CAPZB: variants seen among roughly 807,000 people sequenced by gnomAD.
CAPZB encodes capping actin protein of muscle Z-line subunit beta.
Under a neutral mutation model 38.1 loss-of-function variants are expected in CAPZB, and 2 were observed. That is an observed-to-expected ratio of 0.05 (90% confidence interval 0.02 to 0.17). CAPZB has a LOEUF of 0.17. Among genes scored for constraint, CAPZB ranks in the 10% least tolerant of loss-of-function variants. CAPZB has a pLI of 1.00. For missense variants in CAPZB, 161 were observed against 334.2 expected, an observed-to-expected ratio of 0.48 and a Z score of 4.04; for synonymous variants, 107 against 127.4, an observed-to-expected ratio of 0.84 and a Z score of 1.08.
intron 1 of CAPZB, among the ~76,000 whole-genome samples, chr1:19,421,695 CAT>C (rs1301825384): frequency 2.6e-5 from 4 of 152,338 alleles, no homozygotes; most frequent in South Asian, 4.1e-4. Flanking sequence ...TCTAGAGAGA[CAT>C]ATTCAATTCC....
intron 2 of CAPZB, among the ~76,000 whole-genome samples, chr1:19,417,087 T>C (rs6687476): frequency 0.016 from 2,490 of 152,116 alleles, 61 homozygotes; most frequent in African/African-American, 0.056. Flanking sequence ...ATTTCCCTGT[T>C]GAGCCCAGGG....
intron 1 of CAPZB, among the ~76,000 whole-genome samples, chr1:19,429,974 T>C (rs149294202): frequency 0.022 from 3,392 of 152,292 alleles, 95 homozygotes; most frequent in Non-Finnish European, 0.027. Flanking sequence ...CACCTTCCCT[T>C]TGTTTTCCTG....
At chr1:19,397,260 A>T (rs998218664) in intron 2 of CAPZB, among the ~76,000 whole-genome samples, 3 of 152,254 alleles carry the variant, frequency 2.0e-5, no homozygotes, top group African/African-American at 7.2e-5. Context: ...CAAAGTTATG[A>T]TTGGAATAAC....
intron 1 of CAPZB, among the ~76,000 whole-genome samples, chr1:19,428,517 T>C (rs1225285080): frequency 6.6e-6 from 1 of 152,212 alleles, no homozygotes; most frequent in East Asian, 1.9e-4. Context: ...ATAACTGCTT[T>C]ATGTGTCTCT....
At position 19,371,149 on chromosome 1, in the gene CAPZB, C is replaced by T. The variant is rs1570005100; in HGVS notation, c.329+7391G>A. On this transcript the variant is annotated intron_variant, in intron 4 of 8. Coordinates refer to ENST00000264202, the MANE Select transcript of CAPZB (RefSeq NM_004930.5). ...CTGATGATGTGGATTGAGCAGGAAT[C>T]ATTAATTCCATTTTTGAGACAGAGA... 2.6e-5 allele frequency among the ~76,000 whole-genome samples: 4 copies of T among 152,310 alleles called. No homozygotes were observed. In the East Asian group the frequency reaches 7.7e-4, roughly 29 times the overall value.
chr1:19,435,023 T>C (rs2094454035), intron 1 of CAPZB, among the ~76,000 whole-genome samples: 1 of 132,118 alleles, frequency 7.6e-6, no homozygotes. Context: ...CTCATTATAA[T>C]ATGGAATTAA....
At chr1:19,453,206 C>T (rs988612366) in intron 1 of CAPZB, among the ~76,000 whole-genome samples, 11 of 152,128 alleles carry the variant, frequency 7.2e-5, no homozygotes, top group African/African-American at 2.2e-4. Context: ...CATACAGGCC[C>T]GGTGTCACCG....
chr1:19,385,585 C>T lies in CAPZB; in HGVS notation c.135G>A (p.Gln45=), dbSNP rs2094199538. 1.2e-6 allele frequency: 2 copies of T among 1,614,032 alleles called. No individual in the cohort carries two copies. The highest frequency in any genetic ancestry group is 2.2e-5 in the East Asian group (1 of 44,900). Residue 45 remains glutamine (Q), a synonymous_variant, in exon 3 of 9, where the codon CAG becomes CAA. Transcript: ENST00000264202. The part of the protein sequence containing the change: ...LCEDLLSSVD[Q]PLKIARDKVV... ...CCTTGTCTCTGGCAATTTTCAGTGG[C>T]TGGTCAACAGAAGACAGGAGATCCT... is the stretch of plus-strand genomic sequence containing the variant.
At chr1:19,448,563 C>T (rs1318738589) in intron 1 of CAPZB, among the ~76,000 whole-genome samples, 1 of 152,206 alleles carries the variant, frequency 6.6e-6, no homozygotes, top group African/African-American at 2.4e-5. Context: ...TCATCATTAC[C>T]TACCCATGAT....
intron 3 of CAPZB, among the ~76,000 whole-genome samples, chr1:19,379,652 T>C (rs1260015982): frequency 6.6e-6 from 1 of 152,180 alleles, no homozygotes; most frequent in Non-Finnish European, 1.5e-5. Flanking sequence ...TGAAGACTGC[T>C]AAGTAATGAG....
intron 4 of CAPZB, among the ~76,000 whole-genome samples, chr1:19,359,931 C>T (rs973804296): frequency 5.3e-5 from 8 of 152,192 alleles, no homozygotes; most frequent in African/African-American, 1.7e-4. Flanking sequence ...TGGGGCGAGG[C>T]GAGGTAAGCA....
rs1366773459 is a variant in CAPZB at position 19,357,011 on chromosome 1, GCCA to G, written c.472-263_472-261del. On this transcript the variant is annotated intron_variant, in intron 5 of 8. Transcript: ENST00000264202. The surrounding 1 kb of genome is among the most constrained non-coding windows in gnomAD (Gnocchi z 4.3). ...CAAGTAGCTGGGATTATGGGCGCCC[GCCA>G]CCACGCCTGGCTAATGTTTTTTGTG... Among the ~76,000 whole-genome samples, 4 of 152,026 alleles carry G rather than the reference GCCA, an allele frequency of 2.6e-5. No individual in the cohort carries two copies. The highest frequency in any genetic ancestry group is 2.0e-4 in the Admixed American group (3 of 15,258).
chr1:19,478,651 T>C (rs2094615789), intron 1 of CAPZB, among the ~76,000 whole-genome samples: 1 of 151,468 alleles, frequency 6.6e-6, no homozygotes, highest in African/African-American at 2.4e-5. Context: ...CACTCACTCC[T>C]GAGTCTTTCA....
At chr1:19,485,230 A>G (rs1201721928) in intron 1 of CAPZB, among the ~76,000 whole-genome samples, 1 of 151,820 alleles carries the variant, frequency 6.6e-6, no homozygotes, top group Admixed American at 6.6e-5. Context: ...GGGGGCTGGG[A>G]GCGGGGGCAG....
intron 1 of CAPZB, among the ~76,000 whole-genome samples, chr1:19,446,206 G>A (rs928935525): frequency 2.0e-5 from 3 of 152,214 alleles, no homozygotes; most frequent in South Asian, 4.1e-4. Flanking sequence ...AGCACTGGCC[G>A]GGGTGTCCAA....
At chr1:19,446,957 C>G (rs751129846) in intron 1 of CAPZB, among the ~76,000 whole-genome samples, 3 of 152,022 alleles carry the variant, frequency 2.0e-5, no homozygotes, top group Non-Finnish European at 2.9e-5. Context: ...TCAATTTTAC[C>G]CTCTATGGTT....
chr1:19,350,495 T>C (rs2093985874), intron 6 of CAPZB, among the ~76,000 whole-genome samples: 1 of 152,276 alleles, frequency 6.6e-6, no homozygotes, highest in African/African-American at 2.4e-5. Context: ...GGCCAGAAGA[T>C]GGTGGTCAGA....
chr1:19,444,312 AC>A lies in CAPZB; in HGVS notation c.4-24563del, dbSNP rs749879877. Among the ~76,000 whole-genome samples, 270 of 151,670 alleles carry A rather than the reference AC, an allele frequency of 1.8e-3. 1 individual carries two copies. Among genetic ancestry groups the A allele is most frequent in the Middle Eastern group, 3.4e-3 (1 of 294 alleles). On this transcript the variant is annotated intron_variant, in intron 1 of 8. Coordinates refer to ENST00000264202, the MANE Select transcript of CAPZB (RefSeq NM_004930.5). ...GCTTGCCCCTCCATCAGTCTGCAACACCCCCCAGCCCTGAGGTCTCAGACAC... is the reference window on the plus strand; with the variant it reads ...GCTTGCCCCTCCATCAGTCTGCAACACCCCCAGCCCTGAGGTCTCAGACAC...
At chr1:19,414,600 G>A (rs997258123) in intron 2 of CAPZB, among the ~76,000 whole-genome samples, 4 of 152,172 alleles carry the variant, frequency 2.6e-5, no homozygotes, top group African/African-American at 9.7e-5. Flanking sequence ...ACAGATTCAC[G>A]GCTATTTTTG....
Sources: gnomAD v4.1 joint callset for allele counts (sites outside exome capture counted in the v4.1 genomes callset) on GRCh38, gnomAD v4.1.1 for gene constraint, Gnocchi (gnomAD v3.1) non-coding constraint, MANE v1.5 for transcripts, NCBI Gene and HGNC (gene_info 2026-07-23, HGNC 2026-07-21) for gene names.